The following AVEN variants were observed in gnomAD, a reference collection of about 807,000 sequenced individuals.
The protein encoded by AVEN is cell death regulator Aven.
AVEN carries 41 observed loss-of-function variants against 38.1 expected under a neutral mutation model. The observed-to-expected ratio is 1.08, with a 90% CI of 0.84 to 1.40. AVEN has a LOEUF of 1.40. AVEN is among the 40% of genes most tolerant of loss of function. AVEN has a pLI of 0.00. For missense variants in AVEN, 605 were observed against 438.8 expected (o/e 1.38, Z -3.38); for synonymous variants, 206 against 171.8 (o/e 1.20, Z -1.56).
chr15:33,873,259 C>T (rs1299462288), intron 3 of AVEN, among the ~76,000 whole-genome samples: 2 of 150,792 alleles, frequency 1.3e-5, no homozygotes, highest in East Asian at 1.9e-4. Flanking sequence ...CCCACCACGC[C>T]CAGCTAATTT....
At chr15:33,870,555 G>A (rs1890900520) in intron 4 of AVEN, among the ~76,000 whole-genome samples, 1 of 152,158 alleles carries the variant, frequency 6.6e-6, no homozygotes, top group Non-Finnish European at 1.5e-5. Context: ...GTGACTATTT[G>A]ATTAATATTC....
At chr15:34,025,148 C>T (rs1434371533) in intron 1 of AVEN, among the ~76,000 whole-genome samples, 2 of 151,872 alleles carry the variant, frequency 1.3e-5, no homozygotes, top group South Asian at 2.1e-4. Context: ...CCACCCTGGG[C>T]GATGGAGTGA....
At chr15:33,854,195 C>CAAA (rs35238625), downstream of AVEN, among the ~76,000 whole-genome samples, 95 of 138,074 alleles carry the variant, frequency 6.9e-4, no homozygotes, top group South Asian at 3.2e-3. Context: ...GACTCCGTTT[C>CAAA]AAAAAAAAAA....
intron 2 of AVEN, among the ~76,000 whole-genome samples, chr15:33,958,584 C>T (rs1043755774): frequency 2.4e-4 from 34 of 140,724 alleles, no homozygotes; most frequent in African/African-American, 8.6e-4. Flanking sequence ...CAGCAAGACC[C>T]TATCTCAAGA....
At chr15:33,881,037 GA>G (rs144716977) in intron 2 of AVEN, among the ~76,000 whole-genome samples, 4,248 of 152,228 alleles carry the variant, frequency 0.028, 198 homozygotes, top group African/African-American at 0.095. Context: ...ACAATTTAAA[GA>G]AGGCTTTTAA....
intron 2 of AVEN, among the ~76,000 whole-genome samples, chr15:33,908,069 CTT>C (rs1400177872): frequency 2.0e-5 from 3 of 152,144 alleles, no homozygotes; most frequent in African/African-American, 7.2e-5. Context: ...TTACAAATCA[CTT>C]ATTAAAAAAT....
chr15:33,867,983 A>T (rs1890752567), intron 4 of AVEN, 128 bp from the exon 5 acceptor site: 1 of 1,305,832 alleles, frequency 7.7e-7, no homozygotes, highest in South Asian at 1.6e-5. Flanking sequence ...GATAGTTCAC[A>T]AAGTGGCTCC....
the AVEN span, chr15:33,852,292 T>C: frequency 6.6e-6 from 1 of 152,176 alleles, no homozygotes; most frequent in African/African-American, 2.4e-5. Context: ...GAACAACATA[T>C]TTTCAATGGT....
chr15:33,923,346 C>A (rs2153048534), intron 2 of AVEN, among the ~76,000 whole-genome samples: 1 of 152,280 alleles, frequency 6.6e-6, no homozygotes, highest in Non-Finnish European at 1.5e-5. Context: ...TTACAATAGT[C>A]AAGCACATGC....
At chr15:33,858,004 G>A (rs576240376), downstream of AVEN, 690 of 1,535,532 alleles carry the variant, frequency 4.5e-4, 4 homozygotes, top group East Asian at 4.9e-3. Context: ...GTGTGGGGGT[G>A]CTCTTGAGAA....
chr15:34,036,770 T>A (rs1190416853), intron 1 of AVEN, among the ~76,000 whole-genome samples: 1 of 152,210 alleles, frequency 6.6e-6, no homozygotes, highest in East Asian at 1.9e-4. Context: ...CAATACTATC[T>A]TAAATTTTTT....
At chr15:33,923,681 A>T (rs1281930242) in intron 2 of AVEN, among the ~76,000 whole-genome samples, 1 of 152,082 alleles carries the variant, frequency 6.6e-6, no homozygotes, top group African/African-American at 2.4e-5. Context: ...TTTGCCCACC[A>T]TGATGTACAG....
At chr15:33,853,621 A>T in the AVEN span, 5 of 1,613,894 alleles carry the variant, frequency 3.1e-6, no homozygotes, top group African/African-American at 4.0e-5. Flanking sequence ...TTTGGACAAA[A>T]ATGCTCTTGA....
intron 2 of AVEN, 130 bp from the exon 3 acceptor site, chr15:33,876,125 C>G: frequency 1.4e-6 from 1 of 721,266 alleles, no homozygotes; most frequent in South Asian, 1.8e-5. Context: ...AAGGATAAAA[C>G]TGGAACATAC....
downstream of AVEN, chr15:33,864,802 G>A: frequency 4.0e-6 from 1 of 250,720 alleles, no homozygotes; most frequent in Non-Finnish European, 7.7e-6. Context: ...GTTCCCTCAA[G>A]CATTCCTCCG....
intron 4 of AVEN, among the ~76,000 whole-genome samples, chr15:33,868,335 A>G (rs1890783791): frequency 6.6e-6 from 1 of 152,034 alleles, no homozygotes; most frequent in Non-Finnish European, 1.5e-5. Context: ...CATCCTGGCT[A>G]ACATGGTGAA....
Position 33,983,162 on chromosome 15 carries a change from G to A in AVEN, c.445+19870C>T, listed in dbSNP as rs11637596. On this transcript the variant is annotated intron_variant, in intron 2 of 5. Transcript: ENST00000306730. ...TGTGTGTGTGTGTGTGTGTGTGTAT[G>A]TGTGTGTGTATATATACACACGTGT... Among the ~76,000 whole-genome samples the A allele has an allele frequency of 1.4e-4, 12 of 87,198 alleles. No homozygotes were observed. The East Asian group carries it at 4.6e-3, about 33-fold the overall frequency. The allele number at this position is 87,198 out of a possible 152,430, so 57.2% of individuals were successfully genotyped here.
At chr15:33,885,732 G>A (rs1567395888) in intron 2 of AVEN, 1 of 152,084 alleles carries the variant, frequency 6.6e-6, no homozygotes, top group Non-Finnish European at 1.5e-5. Flanking sequence ...CCATCTGCAT[G>A]GATTATGTTG....
At chr15:33,965,690 A>C (rs547284612) in intron 2 of AVEN, among the ~76,000 whole-genome samples, 1 of 152,228 alleles carries the variant, frequency 6.6e-6, no homozygotes, top group Admixed American at 6.5e-5. Flanking sequence ...GGGAGATGAG[A>C]GTTGAGACAT....
Sources: allele counts gnomAD v4.1 joint callset (sites outside exome capture counted in the v4.1 genomes callset), GRCh38; gene constraint gnomAD v4.1.1; transcripts MANE v1.5; gene names NCBI Gene and HGNC (gene_info 2026-07-23, HGNC 2026-07-21).